The following CFAP54 variants were observed in gnomAD, a reference collection of about 807,000 sequenced individuals.
The protein encoded by CFAP54 is cilia- and flagella-associated protein 54.
In CFAP54, 290 loss-of-function variants were observed where a neutral mutation model predicts 370.4. The observed-to-expected ratio is 0.78, with a 90% CI of 0.71 to 0.86. The LOEUF is 0.86. Ranked by LOEUF, CFAP54 falls within the 40% of genes least tolerant of loss-of-function variation. The probability of loss-of-function intolerance (pLI) is 0.00; values close to 1 mark genes in which losing one functional copy is unlikely to be tolerated. For synonymous variants in CFAP54, 1,206 were observed against 1,236.5 expected, an observed-to-expected ratio of 0.98 and a Z score of 0.52; for missense variants, 3,399 against 3,528.7, an observed-to-expected ratio of 0.96 and a Z score of 0.93.
In CFAP54 at chr12:96,829,033, G is replaced by T. The variant is rs916531650; in HGVS notation, c.9116G>T (p.Cys3039Phe). Residue 3039 changes from cysteine to phenylalanine, a missense_variant, in exon 66 of 68, where the codon TGC (cysteine) becomes TTC (phenylalanine). Cys to Phe is a radical substitution (Grantham distance 205, BLOSUM62 -2). Coordinates refer to ENST00000524981, the MANE Select transcript of CFAP54 (RefSeq NM_001306084.2). ...TTCTAGGACATGATTATTCAATGTTGCTCTGAAATAGCATCTCTGTTTTTG... is the reference window on the plus strand; with the variant it reads ...TTCTAGGACATGATTATTCAATGTTTCTCTGAAATAGCATCTCTGTTTTTG... ...NEMEDMIIQC[C>F]SEIASLFLND... is the part of the protein sequence containing the mutation. The T allele has an allele frequency of 2.0e-6, 3 of 1,513,534 alleles. No individual in the cohort carries two copies. In the African/African-American group the frequency reaches 4.1e-5, roughly 21 times the overall value. The allele number at this position is 1,513,534 out of a possible 1,614,324, so 93.8% of individuals were successfully genotyped here.
chr12:96,713,508 T>C (rs1011115555), intron 48 of CFAP54, among the ~76,000 whole-genome samples: 2 of 152,192 alleles, frequency 1.3e-5, no homozygotes, highest in African/African-American at 4.8e-5. Flanking sequence ...ATTTTATAAC[T>C]GAAAACTATT....
At chr12:96,757,394 G>T (rs142653121) in intron 57 of CFAP54, 101 bp from the exon 58 acceptor site, 323 of 564,844 alleles carry the variant, frequency 5.7e-4, no homozygotes, top group African/African-American at 5.5e-3. Flanking sequence ...TGCTGGTTTT[G>T]CCAGTTTTTA....
At chr12:96,866,333 C>T (rs550005309) in intron 67 of CFAP54, among the ~76,000 whole-genome samples, 1 of 152,030 alleles carries the variant, frequency 6.6e-6, no homozygotes, top group Admixed American at 6.6e-5. Context: ...AGTTAAAAAG[C>T]TGGGTTAAGA....
Position 96,520,564 on chromosome 12 carries a change from A to G in CFAP54, c.943-1293A>G, listed in dbSNP as rs147436299. ...ATATATGTGTCACTCCAGAGCTTCT[A>G]TTGGCCTGTAGAGTGCCCCTGTATC... On this transcript the variant is annotated intron_variant, in intron 6 of 67. Coordinates refer to ENST00000524981, the MANE Select transcript of CFAP54 (RefSeq NM_001306084.2). Among the ~76,000 whole-genome samples the G allele has an allele frequency of 5.3e-3, 787 of 148,444 alleles. 11 individuals carry two copies. Among genetic ancestry groups the G allele is most frequent in the African/African-American group, 0.018 (740 of 41,086 alleles).
intron 66 of CFAP54, among the ~76,000 whole-genome samples, chr12:96,842,682 C>T (rs1404069883): frequency 6.6e-6 from 1 of 152,144 alleles, no homozygotes; most frequent in Non-Finnish European, 1.5e-5. Flanking sequence ...GTATCTAGCA[C>T]ACAGTAAATA....
At chr12:96,737,517 T>C (rs955676353) in intron 50 of CFAP54, among the ~76,000 whole-genome samples, 1 of 148,242 alleles carries the variant, frequency 6.7e-6, no homozygotes, top group Non-Finnish European at 1.5e-5. Flanking sequence ...TGAGACAGAG[T>C]CTTGCCCTGT....
intron 30 of CFAP54, among the ~76,000 whole-genome samples, chr12:96,628,891 G>A (rs1325403544): frequency 2.0e-5 from 3 of 151,438 alleles, no homozygotes; most frequent in Non-Finnish European, 4.4e-5. Context: ...AAGCAGTTTT[G>A]CTGTACCTGG....
intron 55 of CFAP54, among the ~76,000 whole-genome samples, chr12:96,751,969 C>A (rs4144985): frequency 0.86 from 130,844 of 151,958 alleles, 56,751 homozygotes; most frequent in African/African-American, 0.96. Context: ...CCAGAAGCAA[C>A]GGCTTTTCCT....
intron 62 of CFAP54, among the ~76,000 whole-genome samples, chr12:96,788,241 C>T (rs1958648359): frequency 6.6e-6 from 1 of 152,172 alleles, no homozygotes; most frequent in Non-Finnish European, 1.5e-5. Context: ...GAACTTCTGT[C>T]TGTGATCATT....
intron 26 of CFAP54, among the ~76,000 whole-genome samples, chr12:96,600,212 C>T (rs571951286): frequency 5.2e-4 from 79 of 152,186 alleles, no homozygotes; most frequent in Non-Finnish European, 8.4e-4. Flanking sequence ...CAGCTTTCTA[C>T]ATATGGCTAG....
At chr12:96,684,583 T>G in intron 40 of CFAP54, 65 bp from the exon 41 acceptor site, 1 of 1,386,606 alleles carries the variant, frequency 7.2e-7, no homozygotes, top group Non-Finnish European at 1.0e-6. Flanking sequence ...AAAAAATTCT[T>G]GCAAATATAA....
At chr12:96,852,562 C>T (rs1959579734) in intron 66 of CFAP54, among the ~76,000 whole-genome samples, 1 of 151,898 alleles carries the variant, frequency 6.6e-6, no homozygotes, top group Non-Finnish European at 1.5e-5. Context: ...AACAATAAAG[C>T]TAGAGGAAAT....
intron 26 of CFAP54, among the ~76,000 whole-genome samples, chr12:96,603,580 T>C (rs1034462571): frequency 6.6e-6 from 1 of 152,242 alleles, no homozygotes; most frequent in Admixed American, 6.5e-5. Flanking sequence ...CTCCCGTCAC[T>C]ATCAGGTACA....
At chr12:96,511,480 A>G (rs923503013) in intron 4 of CFAP54, among the ~76,000 whole-genome samples, 1 of 152,094 alleles carries the variant, frequency 6.6e-6, no homozygotes, top group Non-Finnish European at 1.5e-5. Context: ...CATCACGCCC[A>G]GCTACTTTTG....
At chr12:96,590,606 A>T (rs534946530) in intron 23 of CFAP54, among the ~76,000 whole-genome samples, 15 of 152,356 alleles carry the variant, frequency 9.8e-5, no homozygotes, top group African/African-American at 3.6e-4. Flanking sequence ...ATGTACAAGG[A>T]TGCTATGTGC....
chr12:96,510,201 C>T (rs914471634), intron 4 of CFAP54, among the ~76,000 whole-genome samples: 5 of 147,328 alleles, frequency 3.4e-5, no homozygotes, highest in Admixed American at 7.0e-5. Flanking sequence ...TATAGTGAGC[C>T]GAGATCATGC....
At chr12:96,535,366 T>C (rs1565887997) in intron 11 of CFAP54, 149 bp from the exon 12 acceptor site, 7 of 608,010 alleles carry the variant, frequency 1.2e-5, no homozygotes. Flanking sequence ...AGTTTTCATA[T>C]AGAAGTATTT....
chr12:96,713,045 T>C (rs990154430), intron 48 of CFAP54, among the ~76,000 whole-genome samples: 1 of 152,146 alleles, frequency 6.6e-6, no homozygotes, highest in Non-Finnish European at 1.5e-5. Context: ...CAGCAGATGC[T>C]GGTGAGGATG....
chr12:96,690,756 C>T (rs2136563970), intron 43 of CFAP54, among the ~76,000 whole-genome samples: 1 of 152,204 alleles, frequency 6.6e-6, no homozygotes, highest in South Asian at 2.1e-4. Context: ...TCAATTATAT[C>T]ATTTGTGACA....
Sources: gnomAD v4.1 joint callset for allele counts (sites outside exome capture counted in the v4.1 genomes callset) on GRCh38, gnomAD v4.1.1 for gene constraint, MANE v1.5 for transcripts, NCBI Gene and HGNC (gene_info 2026-07-23, HGNC 2026-07-21) for gene names.